BMP6: variants seen among roughly 807,000 people sequenced by gnomAD.
The protein encoded by BMP6 is bone morphogenetic protein 6, also known as VG-1-R.
In BMP6, 17 loss-of-function variants were observed where a neutral mutation model predicts 54.1. The ratio of observed to expected loss-of-function variants is 0.31; its 90% CI spans 0.22 to 0.47. BMP6 has a LOEUF of 0.47. BMP6 is among the 20% of genes least tolerant of loss of function. BMP6 has a pLI of 1.00. For synonymous variants in BMP6, 328 were observed against 291.2 expected (o/e 1.13, Z -1.28); for missense variants, 720 against 690.4 (o/e 1.04, Z -0.48).
intron 1 of BMP6, among the ~76,000 whole-genome samples, chr6:7,832,942 G>A (rs1330735960): frequency 6.6e-6 from 1 of 151,806 alleles, no homozygotes; most frequent in East Asian, 1.9e-4. Context: ...AAAGGGTGAG[G>A]GACGAGGGTG....
chr6:7,807,716 T>A (rs1165966012), intron 1 of BMP6, among the ~76,000 whole-genome samples: 1 of 152,064 alleles, frequency 6.6e-6, no homozygotes, highest in Non-Finnish European at 1.5e-5. Flanking sequence ...TGAAAACCCT[T>A]GTTATGTTGG....
At chr6:7,732,550 A>G (rs1022228865) in intron 1 of BMP6, among the ~76,000 whole-genome samples, 1 of 152,232 alleles carries the variant, frequency 6.6e-6, no homozygotes, top group Non-Finnish European at 1.5e-5. Context: ...ATACAAAAAC[A>G]ATGCTCAGTG....
At chr6:7,749,884 G>T (rs182322946) in intron 1 of BMP6, among the ~76,000 whole-genome samples, 1 of 152,202 alleles carries the variant, frequency 6.6e-6, no homozygotes, top group African/African-American at 2.4e-5. Flanking sequence ...CAAGGAATCC[G>T]CATTTTAAGA....
intron 1 of BMP6, among the ~76,000 whole-genome samples, chr6:7,828,042 C>T (rs1051965307): frequency 6.6e-6 from 1 of 152,158 alleles, no homozygotes; most frequent in Non-Finnish European, 1.5e-5. Flanking sequence ...TTTTAAGTTT[C>T]TTACAGGTGT....
intron 1 of BMP6, among the ~76,000 whole-genome samples, chr6:7,769,063 T>G (rs1416006868): frequency 6.6e-6 from 1 of 152,210 alleles, no homozygotes; most frequent in Non-Finnish European, 1.5e-5. Context: ...TCCCCAAAAC[T>G]AAGCACATTC....
intron 1 of BMP6, among the ~76,000 whole-genome samples, chr6:7,737,800 A>G (rs1761976979): frequency 6.6e-6 from 1 of 152,150 alleles, no homozygotes. Context: ...CTACCACAGA[A>G]ATGACTCATT....
intron 1 of BMP6, among the ~76,000 whole-genome samples, chr6:7,819,118 G>A (rs1758570778): frequency 6.6e-6 from 1 of 152,188 alleles, no homozygotes; most frequent in Non-Finnish European, 1.5e-5. Context: ...GTGTCTTTGT[G>A]TGTGAGTACA....
intron 1 of BMP6, among the ~76,000 whole-genome samples, chr6:7,764,915 T>C (rs1282967850): frequency 1.3e-5 from 2 of 152,346 alleles, no homozygotes; most frequent in Non-Finnish European, 2.9e-5. Flanking sequence ...AGCTTGGCAG[T>C]TGATGGCTTG....
At chr6:7,769,227 A>G (rs1449332081) in intron 1 of BMP6, among the ~76,000 whole-genome samples, 1 of 152,212 alleles carries the variant, frequency 6.6e-6, no homozygotes, top group Non-Finnish European at 1.5e-5. Flanking sequence ...GTGGAACTAC[A>G]CCGATCAGCT....
chr6:7,875,664 T>C (rs542222099), intron 4 of BMP6, among the ~76,000 whole-genome samples: 62 of 152,198 alleles, frequency 4.1e-4, no homozygotes, highest in African/African-American at 1.5e-3. Flanking sequence ...CAAAACCCCA[T>C]TGCAGAAAAA....
chr6:7,858,276 G>C (rs561126633), intron 2 of BMP6, among the ~76,000 whole-genome samples: 25 of 152,052 alleles, frequency 1.6e-4, no homozygotes, highest in Admixed American at 4.6e-4. Flanking sequence ...GTAGAGGTAG[G>C]GTTTCGCCAT....
At chr6:7,852,828 T>C (rs1759166985) in intron 2 of BMP6, among the ~76,000 whole-genome samples, 1 of 151,888 alleles carries the variant, frequency 6.6e-6, no homozygotes, top group African/African-American at 2.4e-5. Context: ...AATGTTGGAG[T>C]TCAAGGAGGC....
chr6:7,856,610 T>TTTTTTTTTTTTTTTTTTTTTTGTTTTTG (rs1477184469), intron 2 of BMP6, among the ~76,000 whole-genome samples: 8 of 122,154 alleles, frequency 6.5e-5, no homozygotes, highest in Non-Finnish European at 1.2e-4. Flanking sequence ...TTTTTTTTTT[T>TTTTTTTTTTTTTTTTTTTTTTGTTTTTG]TTTTGAGACG....
chr6:7,835,897 C>G (rs567341443), intron 1 of BMP6, among the ~76,000 whole-genome samples: 1 of 151,734 alleles, frequency 6.6e-6, no homozygotes, highest in Non-Finnish European at 1.5e-5. Flanking sequence ...AGTGCAGTGG[C>G]GTGATCTCGG....
intron 4 of BMP6, among the ~76,000 whole-genome samples, chr6:7,874,463 C>G (rs1361129145): frequency 6.6e-6 from 1 of 152,186 alleles, no homozygotes; most frequent in Non-Finnish European, 1.5e-5. Context: ...GATACCTTAA[C>G]AGAAAGACAA....
intron 1 of BMP6, among the ~76,000 whole-genome samples, chr6:7,841,939 C>T (rs184069963): frequency 1.3e-5 from 2 of 152,234 alleles, no homozygotes; most frequent in African/African-American, 2.4e-5. Flanking sequence ...TTTTTATCTC[C>T]TCACATCTTC....
chr6:7,815,564 G>T (rs1481150485), intron 1 of BMP6, among the ~76,000 whole-genome samples: 1 of 152,176 alleles, frequency 6.6e-6, no homozygotes, highest in African/African-American at 2.4e-5. Flanking sequence ...ACATGGCAGT[G>T]GCAAAACCTT....
intron 1 of BMP6, among the ~76,000 whole-genome samples, chr6:7,778,723 T>G (rs1218357585): frequency 4.6e-5 from 7 of 152,244 alleles, no homozygotes; most frequent in Non-Finnish European, 1.0e-4. Flanking sequence ...GGAGTCTGTA[T>G]GAAGTGACTT....
intron 4 of BMP6, among the ~76,000 whole-genome samples, chr6:7,866,590 A>C: frequency 6.6e-6 from 1 of 152,172 alleles, no homozygotes; most frequent in East Asian, 1.9e-4. Context: ...CTCTTTTGAG[A>C]GGGTGTAGCT....
Sources: gnomAD v4.1 joint callset for allele counts (sites outside exome capture counted in the v4.1 genomes callset) on GRCh38, gnomAD v4.1.1 for gene constraint, MANE v1.5 for transcripts, NCBI Gene and HGNC (gene_info 2026-07-23, HGNC 2026-07-21) for gene names.